The following ZER1 variants were observed in gnomAD, a reference collection of about 807,000 sequenced individuals.
ZER1 encodes the protein zyg-11 related cell cycle regulator, also known as protein zer-1 homolog.
Under a neutral mutation model 78.8 loss-of-function variants are expected in ZER1, and 11 were observed. The observed-to-expected ratio is 0.14, with a 90% CI of 0.09 to 0.23. The LOEUF (loss-of-function observed/expected upper bound fraction) is 0.23, where lower values mean the gene tolerates loss of function less well. Among genes scored for constraint, ZER1 ranks in the 10% least tolerant of loss-of-function variants. ZER1 has a pLI of 1.00. For missense variants in ZER1, 588 were observed against 996.9 expected (o/e 0.59, Z 5.52); for synonymous variants, 400 against 407.0 (o/e 0.98, Z 0.21).
In ZER1 at chr9:128,741,750, C is replaced by A. The variant is rs369994558; in HGVS notation, c.1617+50G>T. ...ACCTCCCCCAGGGGCAGCCCAGGCC[C>A]CTTGCGAGGTGGGGAAAGGGTAGCG... is the stretch of plus-strand genomic sequence containing the variant. On this transcript the variant is annotated intron_variant, in intron 10 of 15. Transcript: ENST00000291900. 3 of 1,613,974 alleles carry A rather than the reference C, an allele frequency of 1.9e-6. No homozygotes were observed. In the African/African-American group the frequency reaches 4.0e-5, roughly 22 times the overall value.
intron 1 of ZER1, among the ~76,000 whole-genome samples, chr9:128,768,203 CA>C (rs1257356844): frequency 5.9e-5 from 9 of 152,148 alleles, no homozygotes; most frequent in Non-Finnish European, 7.4e-5. Context: ...GATAACCAGA[CA>C]GGGGTCTCTG....
At position 128,753,183 on chromosome 9, in the gene ZER1, C is replaced by T. The variant is rs759230170; in HGVS notation, c.727G>A (p.Val243Met). ...DLSDDHIRVI[V>M]QLHKLRHLDI... ...GCTCACCGCAGCTTGTGCAGCTGCA[C>T]GATGACCCGGATGTGGTCGTCGGAC... Residue 243 changes from valine to methionine, a missense_variant, in exon 4 of 16, where the codon GTG becomes ATG. Around this residue, in one of 3 missense-constraint regions of ZER1, gnomAD observed 406 missense variants for 660.1 expected, o/e 0.62. Coordinates refer to ENST00000291900, the MANE Select transcript of ZER1 (RefSeq NM_006336.4). The surrounding 1 kb of genome is among the most constrained non-coding windows in gnomAD (Gnocchi z 7.5). 82 of 1,551,384 alleles carry T rather than the reference C, an allele frequency of 5.3e-5. No individual in the cohort carries two copies. Among genetic ancestry groups the T allele is most frequent in the Non-Finnish European group, 6.1e-5 (70 of 1,146,636 alleles).
chr9:128,735,544 G>T, intron 13 of ZER1, 113 bp from the exon 14 acceptor site: 2 of 1,040,498 alleles, frequency 1.9e-6, no homozygotes, highest in Non-Finnish European at 2.8e-6. Context: ...TGATAGGCTG[G>T]CAGGATGCCA....
chr9:128,741,708 C>G, intron 10 of ZER1, 54 bp from the exon 11 acceptor site: 3 of 1,613,806 alleles, frequency 1.9e-6, no homozygotes, highest in Non-Finnish European at 1.7e-6. Flanking sequence ...GGGAGGGGGG[C>G]CCCTGACAAA....
At chr9:128,771,294 G>A (rs1419810879) in intron 1 of ZER1, among the ~76,000 whole-genome samples, 1 of 152,182 alleles carries the variant, frequency 6.6e-6, no homozygotes, top group East Asian at 1.9e-4. Context: ...GGGAACTTAA[G>A]CTCATCCAAC....
chr9:128,741,733 C>G, intron 10 of ZER1, 67 bp downstream of exon 10: 2 of 1,614,040 alleles, frequency 1.2e-6, no homozygotes, highest in Admixed American at 1.7e-5. Flanking sequence ...AGACCTCCCC[C>G]AGGGGCAGCC....
intron 1 of ZER1, among the ~76,000 whole-genome samples, chr9:128,761,825 C>T (rs897553659): frequency 1.3e-4 from 20 of 151,836 alleles, no homozygotes; most frequent in African/African-American, 3.9e-4. Context: ...AGGATGGTCT[C>T]GAACTCCTGA....
chr9:128,763,697 G>T (rs962713861), intron 1 of ZER1, among the ~76,000 whole-genome samples: 13 of 152,146 alleles, frequency 8.5e-5, no homozygotes, highest in African/African-American at 2.9e-4. Flanking sequence ...CCTTAGAAGT[G>T]ACATTTCAGG....
rs1046996629 is a variant in ZER1, at chr9:128,771,730, G to C, written c.-244C>G. The C allele has an allele frequency of 6.6e-6, 1 of 152,352 alleles. No homozygotes were observed. Among genetic ancestry groups the C allele is most frequent in the Non-Finnish European group, 1.5e-5 (1 of 68,156 alleles). 9.4% of individuals were successfully genotyped at this position (152,352 alleles called of 1,614,324 possible). A position where few individuals can be genotyped will look rare whatever the true frequency, so the allele number is the denominator to read the frequency against. On this transcript the variant is annotated 5_prime_UTR_variant, in exon 1 of 16. Transcript: ENST00000291900. ...GCTAGAGCCGGGGTCCAGGGGAGAC[G>C]GGGGTCGGCGGGGCGGAGCTTGGGA...
At position 128,735,330 on chromosome 9, in the gene ZER1, T is replaced by G; in HGVS notation, c.2140+4A>C. On this transcript the variant is annotated splice_donor_region_variant and intron_variant, in intron 14 of 15. Coordinates refer to ENST00000291900, the MANE Select transcript of ZER1 (RefSeq NM_006336.4). ...GTCTGAACCCAGGACAAGTTGGCAC[T>G]CACGGTAGACAGACACGAGGTTATA... 1 of 1,611,678 alleles carries G rather than the reference T, an allele frequency of 6.2e-7. No homozygotes were observed. The highest frequency in any genetic ancestry group is 8.5e-7 in the Non-Finnish European group (1 of 1,179,112).
At chr9:128,741,938 T>C (rs1324537694) in intron 9 of ZER1, 97 bp from the exon 10 acceptor site, 1 of 1,502,598 alleles carries the variant, frequency 6.7e-7, no homozygotes, top group Non-Finnish European at 9.3e-7. Flanking sequence ...ACGCCATGGC[T>C]AGTTCAGGAG....
intron 8 of ZER1, among the ~76,000 whole-genome samples, chr9:128,749,951 G>A (rs10120278): frequency 0.071 from 10,789 of 152,258 alleles, 1,307 homozygotes; most frequent in African/African-American, 0.25. Context: ...GCTGAGACAG[G>A]AGAATCACTT....
At chr9:128,738,544 C>G (rs1863172671) in intron 13 of ZER1, among the ~76,000 whole-genome samples, 1 of 146,736 alleles carries the variant, frequency 6.8e-6, no homozygotes, top group African/African-American at 2.5e-5. Flanking sequence ...TGCCACCACG[C>G]CCGGCTAATT....
chr9:128,736,710 C>G (rs571497346), intron 13 of ZER1, among the ~76,000 whole-genome samples: 3 of 142,964 alleles, frequency 2.1e-5, no homozygotes, highest in Non-Finnish European at 4.5e-5. Context: ...TCTCGCTCTG[C>G]TGCCCAGGCT....
intron 1 of ZER1, among the ~76,000 whole-genome samples, chr9:128,764,644 G>T (rs1457943370): frequency 6.6e-6 from 1 of 152,174 alleles, no homozygotes; most frequent in Non-Finnish European, 1.5e-5. Context: ...AGAGACTGAA[G>T]GGCCCCGGGG....
chr9:128,761,846 C>T (rs1288265915), intron 1 of ZER1, among the ~76,000 whole-genome samples: 2 of 152,100 alleles, frequency 1.3e-5, no homozygotes, highest in African/African-American at 4.8e-5. Flanking sequence ...CCTTGTGATC[C>T]GCCCGCCTCA....
intron 8 of ZER1, among the ~76,000 whole-genome samples, chr9:128,744,265 C>T (rs1863410000): frequency 6.6e-6 from 1 of 151,994 alleles, no homozygotes; most frequent in Non-Finnish European, 1.5e-5. Context: ...TGCAGTGGCT[C>T]ACTGCAACCT....
intron 13 of ZER1, among the ~76,000 whole-genome samples, chr9:128,736,407 T>C (rs1388756134): frequency 2.7e-5 from 4 of 148,552 alleles, no homozygotes; most frequent in Non-Finnish European, 6.0e-5. Flanking sequence ...GTTTTTTTTT[T>C]TTTTGAGACG....
intron 1 of ZER1, among the ~76,000 whole-genome samples, chr9:128,758,540 TC>T (rs1461205798): frequency 6.6e-6 from 1 of 152,118 alleles, no homozygotes; most frequent in African/African-American, 2.4e-5. Context: ...CACCTTAGCC[TC>T]CTGAGTACCT....
Sources: allele counts gnomAD v4.1 joint callset (sites outside exome capture counted in the v4.1 genomes callset), GRCh38; gene constraint gnomAD v4.1.1; regional missense constraint gnomAD v4.1.1; non-coding constraint Gnocchi (gnomAD v3.1); transcripts MANE v1.5; gene names NCBI Gene and HGNC (gene_info 2026-07-23, HGNC 2026-07-21).